Variants in GPR176 observed in about 807,000 individuals in gnomAD.
GPR176 encodes G-protein coupled receptor 176.
Under a neutral mutation model 35.4 loss-of-function variants are expected in GPR176, and 26 were observed. That is an observed-to-expected ratio of 0.74 (90% confidence interval 0.54 to 1.02). The LOEUF (loss-of-function observed/expected upper bound fraction) is 1.02, where lower values mean the gene tolerates loss of function less well. Ranked by LOEUF, GPR176 falls within the 50% of genes least tolerant of loss-of-function variation. The pLI is 0.00. For synonymous variants in GPR176, 278 were observed against 271.3 expected (o/e 1.02, Z -0.24); for missense variants, 597 against 665.3 (o/e 0.90, Z 1.13).
chr15:39,882,130 C>G (rs2140849703), intron 1 of GPR176, among the ~76,000 whole-genome samples: 1 of 152,242 alleles, frequency 6.6e-6, no homozygotes, highest in South Asian at 2.1e-4. Context: ...ACCAAAACTA[C>G]AGAAGCATTA....
intron 1 of GPR176, among the ~76,000 whole-genome samples, chr15:39,896,660 AC>A (rs532357984): frequency 2.6e-5 from 4 of 152,244 alleles, no homozygotes; most frequent in Non-Finnish European, 5.9e-5. Context: ...AAAGGGCAGA[AC>A]CAGGACTTAA....
Position 39,889,980 on chromosome 15 carries a change from C to T in GPR176, c.172+29875G>A, listed in dbSNP as rs77179303. 2.6e-3 allele frequency among the ~76,000 whole-genome samples: 394 copies of T among 152,242 alleles called. 5 individuals are homozygous for T. Among genetic ancestry groups the T allele is most frequent in the East Asian group, 0.022 (115 of 5,186 alleles). On this transcript the variant is annotated intron_variant, in intron 1 of 2. Transcript: ENST00000561100. ...TTAGAGCCTATGTCCATATATCTGC[C>T]CAACTCCACTTCAGTGAGGTCACAC...
rs151223984 is a variant in GPR176 at position 39,844,853 on chromosome 15, G to C, written c.173-37595C>G. Among the ~76,000 whole-genome samples, 466 of 152,120 alleles carry C rather than the reference G, an allele frequency of 3.1e-3. 4 individuals are homozygous for C. The highest frequency in any genetic ancestry group is 0.011 in the African/African-American group (440 of 41,528). ...CTGAGGTGACTCTCAGACTCTCCTA[G>C]GGTGACCAACCATCCTGGTTTGTCC... is the stretch of plus-strand genomic sequence containing the variant. On this transcript the variant is annotated intron_variant, in intron 1 of 2. Coordinates refer to ENST00000561100, the MANE Select transcript of GPR176 (RefSeq NM_007223.3).
chr15:39,892,941 G>C (rs1235586869), intron 1 of GPR176, among the ~76,000 whole-genome samples: 1 of 152,190 alleles, frequency 6.6e-6, no homozygotes, highest in East Asian at 1.9e-4. Flanking sequence ...AGGTAGAAAT[G>C]AGAAAAATAA....
At chr15:39,860,060 C>G (rs2031495933) in intron 1 of GPR176, among the ~76,000 whole-genome samples, 1 of 151,636 alleles carries the variant, frequency 6.6e-6, no homozygotes, top group Non-Finnish European at 1.5e-5. Flanking sequence ...ATATAGGCCA[C>G]TTGTATTAAT....
intron 1 of GPR176, among the ~76,000 whole-genome samples, chr15:39,874,137 C>A (rs1179914342): frequency 6.6e-6 from 1 of 152,176 alleles, no homozygotes; most frequent in Non-Finnish European, 1.5e-5. Flanking sequence ...GTGGGTGACA[C>A]TTCAGAGTTT....
At chr15:39,879,506 T>C (rs1482842516) in intron 1 of GPR176, among the ~76,000 whole-genome samples, 1 of 152,190 alleles carries the variant, frequency 6.6e-6, no homozygotes, top group Non-Finnish European at 1.5e-5. Context: ...TGTGCAAAAC[T>C]GTACTCTCAA....
chr15:39,860,214 G>A (rs925812509), intron 1 of GPR176, among the ~76,000 whole-genome samples: 3 of 152,236 alleles, frequency 2.0e-5, no homozygotes, highest in Non-Finnish European at 4.4e-5. Flanking sequence ...TGCAAAGAAT[G>A]TAGACAGAGG....
chr15:39,879,648 C>A (rs536751686), intron 1 of GPR176, among the ~76,000 whole-genome samples: 1 of 152,302 alleles, frequency 6.6e-6, no homozygotes, highest in African/African-American at 2.4e-5. Flanking sequence ...GCCTACCTCA[C>A]AGACCTTGGC....
chr15:39,858,327 T>G (rs1311127074), intron 1 of GPR176, among the ~76,000 whole-genome samples: 1 of 152,210 alleles, frequency 6.6e-6, no homozygotes, highest in African/African-American at 2.4e-5. Context: ...AGTCCTGAAT[T>G]TGTGGAATCC....
At chr15:39,914,105 G>T (rs2033660199) in intron 1 of GPR176, among the ~76,000 whole-genome samples, 1 of 151,934 alleles carries the variant, frequency 6.6e-6, no homozygotes, top group Non-Finnish European at 1.5e-5. Context: ...TAATTGGATG[G>T]ATTCTATATT....
chr15:39,887,596 A>AT (rs941675830), intron 1 of GPR176, among the ~76,000 whole-genome samples: 2 of 34,766 alleles, frequency 5.8e-5, no homozygotes, highest in Admixed American at 4.3e-4. Flanking sequence ...GTTAATTTAA[A>AT]TTTAAAAAAA....
chr15:39,868,705 C>T (rs1316946039), intron 1 of GPR176, among the ~76,000 whole-genome samples: 1 of 152,080 alleles, frequency 6.6e-6, no homozygotes, highest in Non-Finnish European at 1.5e-5. Flanking sequence ...CTAACATTAG[C>T]CCATTAACCC....
At chr15:39,901,919 C>CA (rs373269532) in intron 1 of GPR176, among the ~76,000 whole-genome samples, 33,123 of 138,070 alleles carry the variant, frequency 0.24, 4,133 homozygotes, top group Non-Finnish European at 0.32. Context: ...ACCAAAAATA[C>CA]AAAAAAAAAA....
chr15:39,839,238 C>T (rs956047730), intron 1 of GPR176, among the ~76,000 whole-genome samples: 3 of 152,134 alleles, frequency 2.0e-5, no homozygotes, highest in African/African-American at 7.2e-5. Flanking sequence ...TCAAACTATA[C>T]TACTAGGTTA....
At chr15:39,807,886 T>C (rs566384073) in intron 1 of GPR176, among the ~76,000 whole-genome samples, 74 of 152,308 alleles carry the variant, frequency 4.9e-4, no homozygotes, top group African/African-American at 1.8e-3. Flanking sequence ...CACCTTTCAA[T>C]AGCCACATGC....
chr15:39,900,615 C>A (rs275727), intron 1 of GPR176, among the ~76,000 whole-genome samples: 1 of 152,140 alleles, frequency 6.6e-6, no homozygotes, highest in African/African-American at 2.4e-5. Flanking sequence ...GCCAAACAGC[C>A]CTCAATTGGT....
At chr15:39,819,972 A>G (rs1378340818) in intron 1 of GPR176, among the ~76,000 whole-genome samples, 2 of 152,222 alleles carry the variant, frequency 1.3e-5, no homozygotes, top group African/African-American at 2.4e-5. Context: ...TCATTTTTCT[A>G]TAGCTGAATT....
At chr15:39,803,000 T>C (rs887549266) in intron 2 of GPR176, among the ~76,000 whole-genome samples, 4 of 152,200 alleles carry the variant, frequency 2.6e-5, no homozygotes, top group African/African-American at 9.7e-5. Context: ...ATATTTAACT[T>C]GATCATTCTG....
Sources: allele counts gnomAD v4.1 joint callset (sites outside exome capture counted in the v4.1 genomes callset), GRCh38; gene constraint gnomAD v4.1.1; transcripts MANE v1.5; gene names NCBI Gene and HGNC (gene_info 2026-07-23, HGNC 2026-07-21).